Variants in DPP10 observed in about 807,000 individuals in gnomAD.
The protein encoded by DPP10 is inactive dipeptidyl peptidase 10.
In DPP10, 33 loss-of-function variants were observed where a neutral mutation model predicts 120.9. The observed-to-expected ratio is 0.27, with a 90% confidence interval of 0.21 to 0.37. The LOEUF is 0.37. DPP10 is among the 10% of genes least tolerant of loss of function. The pLI is 1.00. For missense variants in DPP10, 816 were observed against 942.8 expected, an observed-to-expected ratio of 0.87 and a Z score of 1.76; for synonymous variants, 337 against 326.1, an observed-to-expected ratio of 1.03 and a Z score of -0.36.
At chr2:115,315,918 C>T (rs541599055) in intron 2 of DPP10, among the ~76,000 whole-genome samples, 159 of 152,110 alleles carry the variant, frequency 1.0e-3, no homozygotes, top group African/African-American at 3.3e-3. Flanking sequence ...CTGGCATTAA[C>T]GGAATAAAAA....
chr2:114,865,271 T>C (rs1325039870), intron 1 of DPP10, among the ~76,000 whole-genome samples: 1 of 152,218 alleles, frequency 6.6e-6, no homozygotes, highest in Admixed American at 6.5e-5. Context: ...GGTCTCAATA[T>C]ACTAATTGGT....
At chr2:114,970,924 T>G (rs534640121) in intron 1 of DPP10, among the ~76,000 whole-genome samples, 4 of 152,162 alleles carry the variant, frequency 2.6e-5, no homozygotes, top group Non-Finnish European at 5.9e-5. Context: ...TCTAACTAAC[T>G]TCCAGACTAG....
At chr2:115,581,112 G>T (rs1157898753) in intron 5 of DPP10, among the ~76,000 whole-genome samples, 1 of 152,098 alleles carries the variant, frequency 6.6e-6, no homozygotes, top group Non-Finnish European at 1.5e-5. Flanking sequence ...ACATAATTGA[G>T]TTTCGTCTTT....
intron 1 of DPP10, among the ~76,000 whole-genome samples, chr2:114,502,137 G>T (rs774904172): frequency 2.0e-4 from 31 of 151,300 alleles, no homozygotes; most frequent in Non-Finnish European, 4.1e-4. Context: ...TATTTTTTTA[G>T]TAGAGACGGG....
In DPP10 at chr2:114,509,036, A is replaced by G. The variant is rs530915979; in HGVS notation, c.60+66198A>G. Among the ~76,000 whole-genome samples, 20 of 151,628 alleles carry G rather than the reference A, an allele frequency of 1.3e-4. 1 individual carries two copies. The East Asian group carries it at 3.1e-3, about 24-fold the overall frequency. ...TGAGAAAGAGAGAGAGAGAGAGAGA[A>G]AGAGAGAGAGAGTGAAACTGCAGAT... On this transcript the variant is annotated intron_variant, in intron 1 of 25. Coordinates refer to ENST00000410059, the MANE Select transcript of DPP10 (RefSeq NM_020868.6).
rs187749463 is a variant in DPP10 at position 115,236,531 on chromosome 2, A to C, written c.61-72708A>C. Among the ~76,000 whole-genome samples, 10 of 152,272 alleles carry C rather than the reference A, an allele frequency of 6.6e-5. No individual in the cohort carries two copies. In the East Asian group the frequency reaches 1.9e-3, roughly 29 times the overall value. On this transcript the variant is annotated intron_variant, in intron 1 of 25. Coordinates refer to ENST00000410059, the MANE Select transcript of DPP10 (RefSeq NM_020868.6). ...GGATTCTTATTAGCTTTCTTTTTCT[A>C]TGGCAAACATTATTAACTGATCACG... is the stretch of plus-strand genomic sequence containing the variant.
At chr2:114,547,908 G>A (rs903845941) in intron 1 of DPP10, among the ~76,000 whole-genome samples, 1 of 152,152 alleles carries the variant, frequency 6.6e-6, no homozygotes, top group Admixed American at 6.5e-5. Flanking sequence ...GGGTGGGCTG[G>A]TGATTGCATT....
At chr2:115,720,981 C>G (rs540020835) in intron 7 of DPP10, among the ~76,000 whole-genome samples, 1 of 152,198 alleles carries the variant, frequency 6.6e-6, no homozygotes, top group South Asian at 2.1e-4. Context: ...TTCTATTAGG[C>G]AGGGAAGAAG....
At chr2:115,570,003 T>C (rs2149085482) in intron 5 of DPP10, among the ~76,000 whole-genome samples, 1 of 152,298 alleles carries the variant, frequency 6.6e-6, no homozygotes, top group South Asian at 2.1e-4. Flanking sequence ...AAGTTTACTG[T>C]GATTGAAATT....
chr2:115,008,612 A>C lies in DPP10; in HGVS notation c.61-300627A>C, dbSNP rs1304636342. Among the ~76,000 whole-genome samples, 4 of 107,078 alleles carry C rather than the reference A, an allele frequency of 3.7e-5. No homozygotes were observed. The South Asian group carries it at 1.1e-3, about 30-fold the overall frequency. 70.2% of individuals were successfully genotyped at this position (107,078 alleles called of 152,430 possible). A position where few individuals can be genotyped will look rare whatever the true frequency, so the allele number is the denominator to read the frequency against. On this transcript the variant is annotated intron_variant, in intron 1 of 25. Coordinates refer to ENST00000410059, the MANE Select transcript of DPP10 (RefSeq NM_020868.6). ...TTAAAGTAAAGAGCTTCTGCACAGC[A>C]AAAGAAACTACCATCAGAGTGAACA...
intron 1 of DPP10, among the ~76,000 whole-genome samples, chr2:114,661,226 A>T (rs1697379171): frequency 6.6e-6 from 1 of 152,222 alleles, no homozygotes; most frequent in African/African-American, 2.4e-5. Flanking sequence ...CTTCCATGTT[A>T]AAGTGAGTCC....
intron 7 of DPP10, among the ~76,000 whole-genome samples, chr2:115,715,482 C>T (rs1318260987): frequency 1.3e-5 from 2 of 151,912 alleles, no homozygotes; most frequent in East Asian, 3.9e-4. Context: ...TGTTTCATGA[C>T]ATTCCCTCAG....
At chr2:115,249,056 T>C (rs933559413) in intron 1 of DPP10, among the ~76,000 whole-genome samples, 3 of 152,136 alleles carry the variant, frequency 2.0e-5, no homozygotes, top group African/African-American at 7.2e-5. Flanking sequence ...TTTGAGATCT[T>C]CATTATGCTG....
intron 1 of DPP10, among the ~76,000 whole-genome samples, chr2:114,951,148 T>G (rs1697755258): frequency 6.6e-6 from 1 of 152,166 alleles, no homozygotes; most frequent in South Asian, 2.1e-4. Context: ...TTAGAAAGCG[T>G]GCCTTCATAA....
chr2:115,167,229 G>A (rs1463248484), intron 1 of DPP10, among the ~76,000 whole-genome samples: 1 of 149,852 alleles, frequency 6.7e-6, no homozygotes, highest in African/African-American at 2.5e-5. Context: ...TATTAAATGT[G>A]TAGTCTGGGA....
At chr2:114,562,950 A>G (rs1359419665) in intron 1 of DPP10, among the ~76,000 whole-genome samples, 1 of 152,232 alleles carries the variant, frequency 6.6e-6, no homozygotes, top group African/African-American at 2.4e-5. Context: ...AAGCTTAATC[A>G]TATTACATTT....
intron 8 of DPP10, among the ~76,000 whole-genome samples, chr2:115,735,776 G>A (rs1021011536): frequency 1.2e-4 from 16 of 134,808 alleles, no homozygotes; most frequent in South Asian, 2.5e-4. Context: ...CAGGTGATCC[G>A]CCCACCTCGG....
At chr2:114,629,824 A>C (rs1390464574) in intron 1 of DPP10, among the ~76,000 whole-genome samples, 1 of 152,198 alleles carries the variant, frequency 6.6e-6, no homozygotes, top group Non-Finnish European at 1.5e-5. Flanking sequence ...ACAAATGTTC[A>C]TAGTAACTTT....
In DPP10 at chr2:114,465,008, G is replaced by C. The variant is rs1297447335; in HGVS notation, c.60+22170G>C. 1.6e-4 allele frequency among the ~76,000 whole-genome samples: 25 copies of C among 152,170 alleles called. 1 individual carries two copies. Among genetic ancestry groups the C allele is most frequent in the Admixed American group, 1.5e-3 (23 of 15,272 alleles). ...CTGTGTCTGTCAGAGTTGTCACACA[G>C]AAGTCTCTAACCATCTTAACACCTG... On this transcript the variant is annotated intron_variant, in intron 1 of 25. Transcript: ENST00000410059.
Sources: allele counts gnomAD v4.1 joint callset (sites outside exome capture counted in the v4.1 genomes callset), GRCh38; gene constraint gnomAD v4.1.1; transcripts MANE v1.5; gene names NCBI Gene and HGNC (gene_info 2026-07-23, HGNC 2026-07-21).